CCDC171: variants seen among roughly 807,000 people sequenced by gnomAD.
CCDC171 encodes the protein coiled-coil domain-containing protein 171.
Under a neutral mutation model 168.2 loss-of-function variants are expected in CCDC171, and 177 were observed. That is an observed-to-expected ratio of 1.05 (90% CI 0.93 to 1.19). The LOEUF is 1.19. Ranked by LOEUF, CCDC171 falls within the 50% of genes most tolerant of loss-of-function variation. The pLI, the probability that CCDC171 is intolerant of heterozygous loss-of-function variation, is 0.00. For missense variants in CCDC171, 1,991 were observed against 1,539.0 expected, an observed-to-expected ratio of 1.29 and a Z score of -4.91; for synonymous variants, 687 against 540.8, an observed-to-expected ratio of 1.27 and a Z score of -3.75.
At chr9:15,578,191 A>G (rs962909576) in intron 3 of CCDC171, among the ~76,000 whole-genome samples, 1 of 151,368 alleles carries the variant, frequency 6.6e-6, no homozygotes, top group Non-Finnish European at 1.5e-5. Context: ...AGTATGTATC[A>G]TGCATTTTTT....
chr9:15,781,532 C>T (rs189878179), intron 20 of CCDC171, among the ~76,000 whole-genome samples: 7 of 152,220 alleles, frequency 4.6e-5, no homozygotes, highest in Non-Finnish European at 5.9e-5. Flanking sequence ...ATTCTCCTGC[C>T]TCAGCAGTAG....
chr9:15,799,158 A>ATATATATATATATATG (rs1444975198), intron 21 of CCDC171, among the ~76,000 whole-genome samples: 5 of 143,942 alleles, frequency 3.5e-5, no homozygotes, highest in African/African-American at 1.3e-4. Flanking sequence ...ATATATATAT[A>ATATATATATATATATG]TATATATACC....
At chr9:15,631,989 C>G (rs895641351) in intron 7 of CCDC171, among the ~76,000 whole-genome samples, 52 of 152,238 alleles carry the variant, frequency 3.4e-4, no homozygotes, top group African/African-American at 1.3e-3. Flanking sequence ...GCTAAAAACT[C>G]TCAATAAATT....
chr9:15,708,368 C>G (rs901855736), intron 11 of CCDC171, among the ~76,000 whole-genome samples: 3 of 152,138 alleles, frequency 2.0e-5, no homozygotes, highest in Non-Finnish European at 4.4e-5. Flanking sequence ...GTCAATAGAA[C>G]TGGAATGAAA....
chr9:15,605,991 C>G (rs987633874), intron 6 of CCDC171, among the ~76,000 whole-genome samples: 1 of 152,104 alleles, frequency 6.6e-6, no homozygotes, highest in African/African-American at 2.4e-5. Flanking sequence ...TGCAGATATG[C>G]TGTGTTTTTT....
chr9:15,880,010 TC>T (rs1563927360), intron 24 of CCDC171, among the ~76,000 whole-genome samples: 1 of 152,122 alleles, frequency 6.6e-6, no homozygotes, highest in African/African-American at 2.4e-5. Flanking sequence ...GAAAGTTTTT[TC>T]CTCTTTTTAT....
intron 18 of CCDC171, among the ~76,000 whole-genome samples, chr9:15,760,616 A>G (rs1039163175): frequency 2.0e-5 from 3 of 152,198 alleles, no homozygotes; most frequent in African/African-American, 7.2e-5. Flanking sequence ...ATGTCCTGTA[A>G]ATATTCATTG....
At chr9:15,741,565 A>T (rs1337629816) in intron 16 of CCDC171, among the ~76,000 whole-genome samples, 1 of 152,038 alleles carries the variant, frequency 6.6e-6, no homozygotes, top group Admixed American at 6.6e-5. Flanking sequence ...CCTTTTGGCT[A>T]TTGTGAATAA....
chr9:15,796,777 C>T (rs117632828), intron 21 of CCDC171, among the ~76,000 whole-genome samples: 9 of 150,596 alleles, frequency 6.0e-5, no homozygotes, highest in East Asian at 2.0e-4. Flanking sequence ...TGGGGAGGAG[C>T]GTTGGCAGGG....
chr9:15,806,887 G>A (rs554575076), intron 21 of CCDC171, among the ~76,000 whole-genome samples: 52 of 152,122 alleles, frequency 3.4e-4, no homozygotes, highest in African/African-American at 6.0e-4. Flanking sequence ...GCTTCTTTAC[G>A]TAATCCCATG....
chr9:15,949,860 G>A (rs1450015571), intron 25 of CCDC171, among the ~76,000 whole-genome samples: 4 of 152,132 alleles, frequency 2.6e-5, no homozygotes, highest in African/African-American at 9.7e-5. Context: ...GGAGTGGTGA[G>A]AGAGGGCATC....
intron 4 of CCDC171, among the ~76,000 whole-genome samples, chr9:15,589,226 G>A (rs1383291486): frequency 6.6e-6 from 1 of 152,076 alleles, no homozygotes; most frequent in African/African-American, 2.4e-5. Context: ...CTTGTGGTGT[G>A]GAAAAACAAA....
At chr9:16,093,863 C>T in the CCDC171 span, among the ~76,000 whole-genome samples, 1 of 152,276 alleles carries the variant, frequency 6.6e-6, no homozygotes, top group South Asian at 2.1e-4. Context: ...ATCCTGTGTT[C>T]CTATAGTAAT....
intron 3 of CCDC171, among the ~76,000 whole-genome samples, chr9:15,980,152 A>G (rs1164561449): frequency 1.3e-5 from 2 of 152,136 alleles, no homozygotes; most frequent in Non-Finnish European, 2.9e-5. Flanking sequence ...AATACAAAGC[A>G]TCTAATGTTT....
intron 24 of CCDC171, among the ~76,000 whole-genome samples, chr9:15,904,191 C>T (rs1275705088): frequency 6.6e-6 from 1 of 152,116 alleles, no homozygotes; most frequent in East Asian, 1.9e-4. Context: ...CAAAGATACT[C>T]CTCGAGAAGA....
intron 21 of CCDC171, among the ~76,000 whole-genome samples, chr9:15,801,691 T>G (rs542350683): frequency 4.6e-5 from 7 of 152,174 alleles, no homozygotes; most frequent in East Asian, 1.9e-4. Context: ...CTTGCCATAT[T>G]CAGATCTTAG....
rs772167200 is a variant in CCDC171 at position 15,920,388 on chromosome 9, C to T, written c.3719C>T (p.Thr1240Ile). ...GCAGCCTTGAAATCAGAACTTCACA[C>T]AGCTTGTTTACGTGAAAATGCAAGT... ...HIAALKSELH[T>I]ACLRENASLQ... is the part of the protein sequence containing the mutation. Residue 1240 changes from threonine to isoleucine, a missense_variant, in exon 25 of 26, where the codon ACA (threonine) becomes ATA (isoleucine). Transcript: ENST00000380701. 12 of 1,608,262 alleles carry T rather than the reference C, an allele frequency of 7.5e-6. No individual in the cohort carries two copies. The Admixed American group carries it at 1.8e-4, about 25-fold the overall frequency.
intron 24 of CCDC171, among the ~76,000 whole-genome samples, chr9:15,891,163 T>C (rs1820164617): frequency 6.6e-6 from 1 of 152,138 alleles, no homozygotes; most frequent in Non-Finnish European, 1.5e-5. Flanking sequence ...CTGAAATTCA[T>C]AAATAAAACT....
At position 15,980,782 on chromosome 9, in the gene CCDC171, G is replaced by A. The variant is rs906126257; in HGVS notation, n.369-39807G>A. The stretch of plus-strand genomic sequence containing the variant: ...ATAACTATTTCAAAGCACCTGCTAC[G>A]TACTGAATTGTGTCCCCCCAACCCT... On this transcript the variant is annotated intron_variant and non_coding_transcript_variant, in intron 3 of 9. Coordinates refer to the CCDC171 transcript ENST00000486641. 6.6e-5 allele frequency among the ~76,000 whole-genome samples: 10 copies of A among 150,818 alleles called. No homozygotes were observed. The East Asian group carries it at 7.8e-4, about 12-fold the overall frequency.
Sources: allele counts gnomAD v4.1 joint callset (sites outside exome capture counted in the v4.1 genomes callset), GRCh38; gene constraint gnomAD v4.1.1; transcripts MANE v1.5; gene names NCBI Gene and HGNC (gene_info 2026-07-23, HGNC 2026-07-21).